The following CD96 variants were observed in gnomAD, a reference collection of about 807,000 sequenced individuals.
CD96 encodes CD96 molecule.
A neutral mutation model predicts 71.3 loss-of-function variants in CD96; 70 were observed. The ratio of observed to expected loss-of-function variants is 0.98; its 90% CI spans 0.81 to 1.20. The LOEUF is 1.20. CD96 is among the 50% of genes most tolerant of loss of function. The pLI is 0.00. For synonymous variants in CD96, 248 were observed against 233.0 expected, an observed-to-expected ratio of 1.06 and a Z score of -0.59; for missense variants, 742 against 677.5, an observed-to-expected ratio of 1.10 and a Z score of -1.06.
chr3:111,548,445 C>T (rs1047737644), intron 2 of CD96, among the ~76,000 whole-genome samples: 1 of 152,168 alleles, frequency 6.6e-6, no homozygotes. Flanking sequence ...TTCGCTTTCA[C>T]TTGACAGAGT....
chr3:111,621,354 G>C (rs574383170), intron 8 of CD96, among the ~76,000 whole-genome samples: 3 of 152,280 alleles, frequency 2.0e-5, no homozygotes, highest in African/African-American at 7.2e-5. Context: ...GCATGAGAGA[G>C]AGAAGGTAGG....
In CD96 at chr3:111,548,393, C is replaced by A. The variant is rs560760356; in HGVS notation, c.418+2991C>A. 2.6e-5 allele frequency among the ~76,000 whole-genome samples: 4 copies of A among 152,222 alleles called. No individual in the cohort carries two copies. In the East Asian group the frequency reaches 7.7e-4, roughly 29 times the overall value. On this transcript the variant is annotated intron_variant, in intron 2 of 13. Coordinates refer to ENST00000352690, the MANE Select transcript of CD96 (RefSeq NM_005816.5). ...TGTCTTAGTGCTCTGAGATTGTGGA[C>A]AAGAGTGGAAATATAATAAACAGTG...
At chr3:111,629,163 A>G (rs545618009) in intron 10 of CD96, among the ~76,000 whole-genome samples, 1 of 152,362 alleles carries the variant, frequency 6.6e-6, no homozygotes, top group East Asian at 1.9e-4. Flanking sequence ...ACACACAGCA[A>G]TATTAATTTT....
Position 111,624,393 on chromosome 3 carries a change from A to G in CD96, c.1310A>G (p.Asp437Gly). The G allele has an allele frequency of 6.2e-7, 1 of 1,602,552 alleles. No individual in the cohort carries two copies. The highest frequency in any genetic ancestry group is 1.1e-5 in the South Asian group (1 of 90,856). The change falls in exon 10 of 14, where the codon GAT (aspartate) becomes GGT (glycine). Residue 437 changes from aspartate to glycine, a missense_variant. Physicochemically the swap from Asp to Gly is moderately conservative, Grantham distance 94. Transcript: ENST00000352690. ...TATCCCTGGACCTCCAGTGGGACAGATACCAAAAAATGTTAAGTATAATCG... is the reference window on the plus strand; with the variant it reads ...TATCCCTGGACCTCCAGTGGGACAGGTACCAAAAAATGTTAAGTATAATCG... ...FNYPWTSSGT[D>G]TKKSVSRIPS...
intron 3 of CD96, chr3:111,570,631 C>G: frequency 6.3e-7 from 1 of 1,597,470 alleles, no homozygotes; most frequent in Non-Finnish European, 8.6e-7. Flanking sequence ...AGGCGCATGG[C>G]AGCTCACACG....
chr3:111,601,947 C>T lies in CD96; in HGVS notation c.1087+1033C>T, dbSNP rs183617548. Among the ~76,000 whole-genome samples the T allele has an allele frequency of 2.0e-5, 3 of 152,322 alleles. No individual in the cohort carries two copies. In the East Asian group the frequency reaches 5.8e-4, roughly 29 times the overall value. ...TGATGCCGGGGCACTGGCATCGCTCCCGTAGCCTTGCCTGTGTGTCTGTGT... is the reference window on the plus strand; with the variant it reads ...TGATGCCGGGGCACTGGCATCGCTCTCGTAGCCTTGCCTGTGTGTCTGTGT... On this transcript the variant is annotated intron_variant, in intron 7 of 13. Coordinates refer to ENST00000352690, the MANE Select transcript of CD96 (RefSeq NM_005816.5).
At chr3:111,593,714 C>G (rs767235258) in intron 5 of CD96, 1 of 1,614,190 alleles carries the variant, frequency 6.2e-7, no homozygotes, top group Admixed American at 1.7e-5. Flanking sequence ...TGCCCTTTCC[C>G]TCCTAAGCAC....
At chr3:111,656,244 T>C (rs73230160), downstream of CD96, among the ~76,000 whole-genome samples, 14,359 of 152,160 alleles carry the variant, frequency 0.094, 947 homozygotes, top group Non-Finnish European at 0.14. Flanking sequence ...TGACTCTTAA[T>C]CATTTGAAAA....
chr3:111,586,277 A>G (rs1243723245), intron 5 of CD96, among the ~76,000 whole-genome samples: 1 of 152,202 alleles, frequency 6.6e-6, no homozygotes, highest in Non-Finnish European at 1.5e-5. Flanking sequence ...TTTCTATTAC[A>G]TGGGGCGAGA....
chr3:111,659,437 C>A (rs1940305771), intron 14 of CD96, among the ~76,000 whole-genome samples: 1 of 152,012 alleles, frequency 6.6e-6, no homozygotes, highest in Non-Finnish European at 1.5e-5. Context: ...CTTTTAGGTG[C>A]AGAATTAGAC....
rs752678467 is a variant in CD96, at chr3:111,606,717, A to T, written c.1105A>T (p.Thr369Ser). ...TFLLGSEISS[T>S]DPPLSVTEST... ...CCTTTAAGGTTCTGAAATTTCCTCAACAGACCCTCCACTGAGTGTTACAGA... is the reference window on the plus strand; with the variant it reads ...CCTTTAAGGTTCTGAAATTTCCTCATCAGACCCTCCACTGAGTGTTACAGA... Residue 369 changes from threonine (T) to serine (S), a missense_variant, in exon 8 of 14, where the codon ACA becomes TCA. Physicochemically the swap from Thr to Ser is moderately conservative, Grantham distance 58. Transcript: ENST00000352690. 6.3e-7 allele frequency: 1 copy of T among 1,588,212 alleles called. No individual in the cohort carries two copies. The highest frequency in any genetic ancestry group is 1.1e-5 in the South Asian group (1 of 90,540).
chr3:111,586,485 C>T (rs981698755), intron 5 of CD96, among the ~76,000 whole-genome samples: 1 of 152,144 alleles, frequency 6.6e-6, no homozygotes, highest in East Asian at 1.9e-4. Context: ...ATATTAGTCT[C>T]TTAGGTAACT....
At chr3:111,571,251 C>A (rs1375528904) in intron 3 of CD96, among the ~76,000 whole-genome samples, 1 of 145,946 alleles carries the variant, frequency 6.9e-6, no homozygotes, top group African/African-American at 2.6e-5. Flanking sequence ...TTTCAAAAAT[C>A]TCCAGCATCT....
chr3:111,581,703 C>T (rs1277931381), intron 4 of CD96, among the ~76,000 whole-genome samples: 1 of 152,180 alleles, frequency 6.6e-6, no homozygotes, highest in Non-Finnish European at 1.5e-5. Flanking sequence ...TCTGTCTCAC[C>T]CTGTCACCTC....
intron 10 of CD96, among the ~76,000 whole-genome samples, chr3:111,626,042 G>C (rs139605438): frequency 6.6e-6 from 1 of 152,042 alleles, no homozygotes; most frequent in African/African-American, 2.4e-5. Context: ...AGTGGCTCAC[G>C]CCTGTAATCC....
downstream of CD96, among the ~76,000 whole-genome samples, chr3:111,656,030 A>C (rs1166303538): frequency 1.3e-5 from 2 of 152,020 alleles, no homozygotes; most frequent in African/African-American, 4.8e-5. Context: ...AATATTCATG[A>C]GAGAGAAAGC....
intron 7 of CD96, among the ~76,000 whole-genome samples, chr3:111,605,862 A>G (rs1405963561): frequency 1.3e-5 from 2 of 152,228 alleles, no homozygotes; most frequent in South Asian, 2.1e-4. Flanking sequence ...CAAATAATTG[A>G]TATATATCAG....
intron 2 of CD96, among the ~76,000 whole-genome samples, chr3:111,566,246 C>T (rs1453579884): frequency 1.3e-5 from 2 of 151,448 alleles, no homozygotes; most frequent in Admixed American, 6.6e-5. Context: ...TTAATTATAC[C>T]TCAGAGAATT....
Position 111,624,369 on chromosome 3 carries a change from A to C in CD96, c.1286A>C (p.Tyr429Ser). The C allele has an allele frequency of 1.2e-6, 2 of 1,612,530 alleles. No individual in the cohort carries two copies. The highest frequency in any genetic ancestry group is 1.7e-6 in the Non-Finnish European group (2 of 1,178,516). The change falls in exon 10 of 14, where the codon TAT (tyrosine) becomes TCT (serine). Residue 429 changes from tyrosine (Y) to serine (S), a missense_variant. Transcript: ENST00000352690. ...AGTATGACTACCCGAGGCTTCAACT[A>C]TCCCTGGACCTCCAGTGGGACAGAT... ...NSSMTTRGFN[Y>S]PWTSSGTDTK... is the part of the protein sequence containing the mutation.
Sources: gnomAD v4.1 joint callset for allele counts (sites outside exome capture counted in the v4.1 genomes callset) on GRCh38, gnomAD v4.1.1 for gene constraint, MANE v1.5 for transcripts, NCBI Gene and HGNC (gene_info 2026-07-23, HGNC 2026-07-21) for gene names.